The following ROBO2 variants were observed in gnomAD, a reference collection of about 807,000 sequenced individuals.
The protein encoded by ROBO2 is roundabout homolog 2.
ROBO2 carries 53 observed loss-of-function variants against 160.8 expected under a neutral mutation model. The ratio of observed to expected loss-of-function variants is 0.33; its 90% CI spans 0.26 to 0.41. The LOEUF (loss-of-function observed/expected upper bound fraction) is 0.41. ROBO2 is among the 10% of genes least tolerant of loss of function. The pLI is 1.00. For missense variants in ROBO2, 1,577 were observed against 1,722.4 expected (o/e 0.92, Z 1.49); for synonymous variants, 664 against 611.7 (o/e 1.09, Z -1.26).
chr3:76,142,927 A>G (rs1440706828), intron 2 of ROBO2, among the ~76,000 whole-genome samples: 1 of 151,852 alleles, frequency 6.6e-6, no homozygotes, highest in Non-Finnish European at 1.5e-5. Context: ...AAACACACAC[A>G]CTTACTATGT....
chr3:76,750,513 G>C (rs913698576), intron 2 of ROBO2, among the ~76,000 whole-genome samples: 1 of 152,118 alleles, frequency 6.6e-6, no homozygotes, highest in African/African-American at 2.4e-5. Flanking sequence ...AATTGTCCCT[G>C]TTTGCAGATG....
intron 2 of ROBO2, among the ~76,000 whole-genome samples, chr3:76,567,658 TACACATATATATAC>T: frequency 9.8e-6 from 1 of 102,130 alleles, no homozygotes; most frequent in East Asian, 2.9e-4. Context: ...TATATACACA[TACACATATATATAC>T]ATATATATGT....
chr3:77,380,782 T>C (rs1451914433), intron 2 of ROBO2, among the ~76,000 whole-genome samples: 1 of 151,922 alleles, frequency 6.6e-6, no homozygotes, highest in African/African-American at 2.4e-5. Context: ...GGTTAATCTG[T>C]ATAAAGATGA....
chr3:76,399,279 C>T (rs189460640), intron 2 of ROBO2, among the ~76,000 whole-genome samples: 22 of 141,290 alleles, frequency 1.6e-4, no homozygotes, highest in Non-Finnish European at 2.4e-4. Flanking sequence ...CTGCTGTGTG[C>T]CAGATGTTTT....
intron 2 of ROBO2, among the ~76,000 whole-genome samples, chr3:76,111,582 G>A (rs1300561394): frequency 6.6e-6 from 1 of 151,928 alleles, no homozygotes; most frequent in Non-Finnish European, 1.5e-5. Context: ...TGCCCATTAC[G>A]ATTACACAGG....
In ROBO2 at chr3:77,583,152, C is replaced by CAA. The variant is rs56827523; in HGVS notation, c.2500+3055_2500+3056dup. Among the ~76,000 whole-genome samples the CAA allele has an allele frequency of 6.9e-3, 362 of 52,802 alleles. 7 individuals are homozygous for CAA. Among genetic ancestry groups the CAA allele is most frequent in the East Asian group, 7.4e-3 (15 of 2,038 alleles). The allele number at this position is 52,802 out of a possible 152,430, so 34.6% of individuals were successfully genotyped here. ...GTCACTGAGCGAGACTCTGTCTCTC[C>CAA]AAAAAAAAAAAAAAAAAAAAAAGGA... On this transcript the variant is annotated intron_variant, in intron 16 of 25. Coordinates refer to ENST00000461745, the Ensembl canonical transcript of ROBO2.
intron 13 of ROBO2, 28 bp downstream of exon 14, chr3:77,568,462 T>C (rs1183670626): frequency 1.9e-6 from 3 of 1,611,850 alleles, no homozygotes; most frequent in East Asian, 4.5e-5. Flanking sequence ...ATGTTAATAG[T>C]AATCTCTTCT....
intron 2 of ROBO2, among the ~76,000 whole-genome samples, chr3:76,364,232 C>T (rs1303237389): frequency 6.6e-6 from 1 of 152,022 alleles, no homozygotes; most frequent in Non-Finnish European, 1.5e-5. Context: ...AACTGACACT[C>T]CAGGAATACC....
At chr3:77,211,916 T>C (rs1446835656) in intron 2 of ROBO2, among the ~76,000 whole-genome samples, 5 of 152,170 alleles carry the variant, frequency 3.3e-5, no homozygotes, top group Admixed American at 2.6e-4. Context: ...AGGGCTCTGT[T>C]CTGTTCCATT....
At chr3:76,444,603 C>T (rs373311355) in intron 2 of ROBO2, among the ~76,000 whole-genome samples, 3 of 152,098 alleles carry the variant, frequency 2.0e-5, no homozygotes, top group African/African-American at 4.8e-5. Flanking sequence ...CATCAGATTT[C>T]GTGAGAACTC....
intron 2 of ROBO2, among the ~76,000 whole-genome samples, chr3:76,135,623 G>A (rs556603005): frequency 5.0e-4 from 76 of 152,130 alleles, no homozygotes; most frequent in Non-Finnish European, 9.3e-4. Context: ...TGAGGAAGTC[G>A]CGACTGTTCT....
At chr3:76,030,964 G>A (rs890256600) in intron 2 of ROBO2, among the ~76,000 whole-genome samples, 4 of 152,082 alleles carry the variant, frequency 2.6e-5, no homozygotes, top group Non-Finnish European at 5.9e-5. Context: ...GGGGAGTATG[G>A]CCATTTTCAC....
At chr3:76,828,969 C>G (rs753805603) in intron 2 of ROBO2, among the ~76,000 whole-genome samples, 1 of 152,066 alleles carries the variant, frequency 6.6e-6, no homozygotes, top group Non-Finnish European at 1.5e-5. Context: ...GGTCTACATC[C>G]ATGATTCTTT....
At chr3:76,010,250 C>T (rs1437235925) in intron 2 of ROBO2, among the ~76,000 whole-genome samples, 1 of 152,204 alleles carries the variant, frequency 6.6e-6, no homozygotes, top group African/African-American at 2.4e-5. Context: ...GGACTCCTGG[C>T]TAGTTTAAGA....
intron 2 of ROBO2, among the ~76,000 whole-genome samples, chr3:76,530,150 C>T (rs2082148504): frequency 6.6e-6 from 1 of 152,178 alleles, no homozygotes; most frequent in Non-Finnish European, 1.5e-5. Flanking sequence ...TTACTTTGGT[C>T]ATCACGACTA....
At chr3:76,451,819 G>C (rs17014205) in intron 2 of ROBO2, among the ~76,000 whole-genome samples, 6,987 of 152,214 alleles carry the variant, frequency 0.046, 478 homozygotes, top group African/African-American at 0.15. Context: ...GTATGAAAAT[G>C]AGTAGATGAA....
chr3:77,200,265 TTTTATATATATATATATA>T lies in ROBO2; in HGVS notation c.388+101927_388+101944del, dbSNP rs1376711656. Among the ~76,000 whole-genome samples, 21 of 59,060 alleles carry T rather than the reference TTTTATATATATATATATA, an allele frequency of 3.6e-4. 1 individual carries two copies. Among genetic ancestry groups the T allele is most frequent in the South Asian group, 1.3e-3 (2 of 1,568 alleles). The allele number at this position is 59,060 out of a possible 152,430, so 38.7% of individuals were successfully genotyped here. On this transcript the variant is annotated intron_variant, in intron 2 of 25. Transcript: ENST00000461745. ...GTGTATGTATATCCTAACTAACATA[TTTTATATATATATATATA>T]TATATATATATATATATATATATAT...
In ROBO2 at chr3:76,049,403, A is replaced by ATTTTTTTTTTTTTT. The variant is rs1167852972; in HGVS notation, c.109+111809_109+111822dup. 4.3e-4 allele frequency among the ~76,000 whole-genome samples: 23 copies of ATTTTTTTTTTTTTT among 53,760 alleles called. 1 individual carries two copies. Among genetic ancestry groups the ATTTTTTTTTTTTTT allele is most frequent in the African/African-American group, 1.8e-3 (12 of 6,856 alleles). The allele number at this position is 53,760 out of a possible 152,430, so 35.3% of individuals were successfully genotyped here. A position where few individuals can be genotyped will look rare whatever the true frequency, so the allele number is the denominator to read the frequency against. On this transcript the variant is annotated intron_variant, in intron 2 of 26. Transcript: ENST00000487694. ...TTTTAGTATATATATATATATATAT[A>ATTTTTTTTTTTTTT]TTTTTTTTTTTTTTTTTTTTTGTAG...
At chr3:76,174,975 T>C (rs1463194521) in intron 2 of ROBO2, among the ~76,000 whole-genome samples, 2 of 152,182 alleles carry the variant, frequency 1.3e-5, no homozygotes, top group Admixed American at 6.6e-5. Context: ...TTTCACGATA[T>C]TGATTCTTCC....
Sources: gnomAD v4.1 joint callset for allele counts (sites outside exome capture counted in the v4.1 genomes callset) on GRCh38, gnomAD v4.1.1 for gene constraint, MANE v1.5 for transcripts, NCBI Gene and HGNC (gene_info 2026-07-23, HGNC 2026-07-21) for gene names.